The following TRIM24 variants were observed in gnomAD, a reference collection of about 807,000 sequenced individuals.
TRIM24 encodes the protein tripartite motif containing 24.
Under a neutral mutation model 123.9 loss-of-function variants are expected in TRIM24, and 29 were observed. That is an observed-to-expected ratio of 0.23 (90% CI 0.17 to 0.32). The LOEUF (loss-of-function observed/expected upper bound fraction) is 0.32, where lower values mean the gene tolerates loss of function less well. Ranked by LOEUF, TRIM24 falls within the 10% of genes least tolerant of loss-of-function variation. The pLI, the probability that TRIM24 is intolerant of heterozygous loss-of-function variation, is 1.00. For missense variants in TRIM24, 932 were observed against 1,295.3 expected (o/e 0.72, Z 4.31); for synonymous variants, 456 against 461.1 (o/e 0.99, Z 0.14).
intron 1 of TRIM24, among the ~76,000 whole-genome samples, chr7:138,483,727 G>A (rs1055136265): frequency 2.0e-5 from 3 of 152,166 alleles, no homozygotes; most frequent in Admixed American, 6.6e-5. Flanking sequence ...CACTTGGGAC[G>A]GAGTAAACAA....
chr7:138,545,199 C>T (rs1240916851), intron 7 of TRIM24, among the ~76,000 whole-genome samples: 5 of 151,896 alleles, frequency 3.3e-5, no homozygotes, highest in Non-Finnish European at 5.9e-5. Context: ...TATATATTCA[C>T]ATAAAAACTA....
chr7:138,541,247 G>A (rs943295140), intron 7 of TRIM24, among the ~76,000 whole-genome samples: 1 of 151,952 alleles, frequency 6.6e-6, no homozygotes, highest in African/African-American at 2.4e-5. Context: ...CTTGGAGTTC[G>A]AGACCACCCT....
At chr7:138,579,703 T>C (rs925737407) in intron 15 of TRIM24, among the ~76,000 whole-genome samples, 171 bp downstream of exon 15, 1 of 152,188 alleles carries the variant, frequency 6.6e-6, no homozygotes, top group Non-Finnish European at 1.5e-5. Context: ...TTCTTTGTGC[T>C]TCTTTCAAAA....
At chr7:138,549,228 G>T (rs1275901069) in intron 7 of TRIM24, among the ~76,000 whole-genome samples, 1 of 152,168 alleles carries the variant, frequency 6.6e-6, no homozygotes, top group Non-Finnish European at 1.5e-5. Context: ...TGGGACCACT[G>T]TTGTACATGT....
At chr7:138,563,080 CG>C (rs767233466) in intron 9 of TRIM24, among the ~76,000 whole-genome samples, 21 of 152,260 alleles carry the variant, frequency 1.4e-4, no homozygotes, top group East Asian at 9.6e-4. Context: ...TCCTATGGAT[CG>C]GGTTACTACC....
chr7:138,460,779 C>T lies in TRIM24; in HGVS notation c.231C>T (p.Phe77=), dbSNP rs1415173000. 2 of 1,584,484 alleles carry T rather than the reference C, an allele frequency of 1.3e-6. No homozygotes were observed. Among genetic ancestry groups the T allele is most frequent in the Admixed American group, 3.5e-5 (2 of 56,966 alleles). ...APKLLPCLHS[F]CQRCLPAPQR... is the part of the protein sequence containing the mutation. ...AGCTGCTGCCCTGCCTGCACTCTTT[C>T]TGCCAGCGCTGCCTGCCCGCGCCCC... is the stretch of plus-strand genomic sequence containing the variant. The change falls in exon 1 of 19, where the codon TTC becomes TTT. Residue 77 remains phenylalanine (F), a synonymous_variant. Transcript: ENST00000343526.
At chr7:138,531,820 T>C (rs1326284196) in intron 6 of TRIM24, among the ~76,000 whole-genome samples, 1 of 152,222 alleles carries the variant, frequency 6.6e-6, no homozygotes, top group African/African-American at 2.4e-5. Context: ...TTGAACTAGT[T>C]TACAGTCTCA....
intron 6 of TRIM24, among the ~76,000 whole-genome samples, chr7:138,530,405 C>G (rs1244074487): frequency 6.6e-6 from 1 of 151,954 alleles, no homozygotes; most frequent in African/African-American, 2.4e-5. Flanking sequence ...ACCAGACTTG[C>G]AAATCTGTAG....
intron 1 of TRIM24, among the ~76,000 whole-genome samples, chr7:138,479,246 A>G (rs1795471882): frequency 6.6e-6 from 1 of 152,202 alleles, no homozygotes; most frequent in African/African-American, 2.4e-5. Flanking sequence ...TAAGTGAATA[A>G]TTATATAACC....
chr7:138,526,141 G>A (rs138242108), intron 5 of TRIM24, among the ~76,000 whole-genome samples: 465 of 152,318 alleles, frequency 3.1e-3, no homozygotes, highest in African/African-American at 0.01. Flanking sequence ...GCGTAAAAGA[G>A]ACCTCACAGA....
At chr7:138,578,703 G>A (rs1222262306) in intron 14 of TRIM24, among the ~76,000 whole-genome samples, 4 of 152,148 alleles carry the variant, frequency 2.6e-5, no homozygotes, top group African/African-American at 9.7e-5. Context: ...GAGGTAAACA[G>A]CAGAAGAAAA....
At chr7:138,488,349 C>T (rs1327449114) in intron 1 of TRIM24, among the ~76,000 whole-genome samples, 1 of 149,870 alleles carries the variant, frequency 6.7e-6, no homozygotes, top group African/African-American at 2.4e-5. Flanking sequence ...CTATCTCCTT[C>T]AGTTCTGCTC....
intron 1 of TRIM24, among the ~76,000 whole-genome samples, chr7:138,466,701 T>C (rs1249590671): frequency 1.3e-5 from 2 of 152,154 alleles, no homozygotes; most frequent in East Asian, 3.8e-4. Flanking sequence ...ATATATTCTA[T>C]ATCTAGGTCC....
At chr7:138,574,924 G>A (rs774892435) in intron 12 of TRIM24, among the ~76,000 whole-genome samples, 4 of 152,058 alleles carry the variant, frequency 2.6e-5, no homozygotes, top group Admixed American at 1.3e-4. Context: ...TAGGCAGATC[G>A]TATTTATTAA....
intron 2 of TRIM24, among the ~76,000 whole-genome samples, chr7:138,509,981 T>C (rs1035880686): frequency 6.6e-6 from 1 of 152,116 alleles, no homozygotes; most frequent in Non-Finnish European, 1.5e-5. Flanking sequence ...CGGGCAGAAG[T>C]AGTGGTGCTG....
chr7:138,498,970 G>T (rs1026077684), intron 1 of TRIM24, among the ~76,000 whole-genome samples: 1 of 152,070 alleles, frequency 6.6e-6, no homozygotes, highest in Non-Finnish European at 1.5e-5. Context: ...ATTGGATCAG[G>T]TTTGATTCTT....
At chr7:138,529,394 C>T (rs1796679270) in intron 6 of TRIM24, among the ~76,000 whole-genome samples, 164 bp downstream of exon 6, 1 of 152,042 alleles carries the variant, frequency 6.6e-6, no homozygotes, top group South Asian at 2.1e-4. Context: ...TTGTAGCTGA[C>T]AATTTAAAGC....
chr7:138,490,567 C>T, intron 1 of TRIM24: 1 of 207,576 alleles, frequency 4.8e-6, no homozygotes, highest in Non-Finnish European at 9.6e-6. Flanking sequence ...TTTTATTTGC[C>T]ACAATTAGAA....
chr7:138,578,563 T>TGCGCGC (rs1554445378), intron 14 of TRIM24, among the ~76,000 whole-genome samples: 12,180 of 144,942 alleles, frequency 0.084, 727 homozygotes, highest in East Asian at 0.19. Flanking sequence ...TGTGTGTGTG[T>TGCGCGC]GCGCGCACGC....
Sources: allele counts gnomAD v4.1 joint callset (sites outside exome capture counted in the v4.1 genomes callset), GRCh38; gene constraint gnomAD v4.1.1; transcripts MANE v1.5; gene names NCBI Gene and HGNC (gene_info 2026-07-23, HGNC 2026-07-21).